Variants in MCCC1 observed in about 807,000 individuals in gnomAD.
MCCC1 encodes methylcrotonoyl-CoA carboxylase subunit alpha, mitochondrial.
Under a neutral mutation model 83.8 loss-of-function variants are expected in MCCC1, and 64 were observed. That is an observed-to-expected ratio of 0.76 (90% CI 0.62 to 0.94). The LOEUF is 0.94. Among genes scored for constraint, MCCC1 ranks in the 40% least tolerant of loss-of-function variants. The probability of loss-of-function intolerance (pLI) is 0.00; values close to 1 mark genes in which losing one functional copy is unlikely to be tolerated. For missense variants in MCCC1, 807 were observed against 904.7 expected, an observed-to-expected ratio of 0.89 and a Z score of 1.39; for synonymous variants, 322 against 315.4, an observed-to-expected ratio of 1.02 and a Z score of -0.22.
At chr3:183,049,913 G>A (rs1178306815) in intron 9 of MCCC1, among the ~76,000 whole-genome samples, 3 of 152,286 alleles carry the variant, frequency 2.0e-5, no homozygotes, top group East Asian at 1.9e-4. Context: ...GAGCTCAGGG[G>A]TTTGAGACCA....
intron 4 of MCCC1, among the ~76,000 whole-genome samples, chr3:183,073,653 T>C (rs1716857719): frequency 6.6e-6 from 1 of 152,248 alleles, no homozygotes; most frequent in Non-Finnish European, 1.5e-5. Context: ...TTTTGCAGTT[T>C]GAGGTGCAAC....
chr3:183,109,432 G>C (rs1330928395), intron 1 of MCCC1, among the ~76,000 whole-genome samples: 1 of 152,142 alleles, frequency 6.6e-6, no homozygotes, highest in African/African-American at 2.4e-5. Flanking sequence ...GTGGTACCCA[G>C]TGCCTATTGT....
In MCCC1 at chr3:183,015,497, T is replaced by C. The variant is rs1165909921; in HGVS notation, c.2119A>G (p.Arg707Gly). 6.2e-7 allele frequency: 1 copy of C among 1,614,024 alleles called. No individual in the cohort carries two copies. Among genetic ancestry groups the C allele is most frequent in the African/African-American group, 1.3e-5 (1 of 74,930 alleles). Residue 707 changes from arginine (R) to glycine (G), a missense_variant, in exon 19 of 19, where the codon AGA (arginine) becomes GGA (glycine). Transcript: ENST00000265594. ...VFYREGAQAN[R>G]HTPLVEFEEE... Reference sequence around the variant, plus strand: ...TCAAACTCGACTAAAGGAGTGTGTCTGTTGGCCTGAGCACCTTCTCTGTAG... The same window carrying C: ...TCAAACTCGACTAAAGGAGTGTGTCCGTTGGCCTGAGCACCTTCTCTGTAG...
chr3:183,030,045 C>T (rs1429545743), intron 14 of MCCC1, among the ~76,000 whole-genome samples: 1 of 152,170 alleles, frequency 6.6e-6, no homozygotes, highest in African/African-American at 2.4e-5. Context: ...AGGTGGCTCA[C>T]ACCTGTAATC....
intron 13 of MCCC1, among the ~76,000 whole-genome samples, chr3:183,036,756 G>A (rs1316745114): frequency 1.3e-5 from 2 of 152,004 alleles, no homozygotes; most frequent in African/African-American, 4.8e-5. Flanking sequence ...AGCCAGGATG[G>A]TCTTGATCTC....
intron 11 of MCCC1, among the ~76,000 whole-genome samples, chr3:183,040,426 C>G (rs181778159): frequency 6.6e-6 from 1 of 151,886 alleles, no homozygotes; most frequent in Non-Finnish European, 1.5e-5. Flanking sequence ...AAAAACTTGT[C>G]CTGGCCAGGC....
In MCCC1 at chr3:183,056,521, C is replaced by T. The variant is rs748903746; in HGVS notation, c.873+790G>A. On this transcript the variant is annotated intron_variant, in intron 8 of 18. Coordinates refer to ENST00000265594, the MANE Select transcript of MCCC1 (RefSeq NM_020166.5). Reference sequence around the variant, plus strand: ...TATAAACAAATGTTAAATGAGCAAACGCTGCCAAACGAGAGACTCTCTCTT... The same window carrying T: ...TATAAACAAATGTTAAATGAGCAAATGCTGCCAAACGAGAGACTCTCTCTT... Among the ~76,000 whole-genome samples, 79 of 152,080 alleles carry T rather than the reference C, an allele frequency of 5.2e-4. 1 individual carries two copies. The highest frequency in any genetic ancestry group is 2.7e-3 in the Admixed American group (41 of 15,270).
At chr3:183,104,554 C>T (rs984709593) in intron 1 of MCCC1, among the ~76,000 whole-genome samples, 1 of 152,030 alleles carries the variant, frequency 6.6e-6, no homozygotes, top group African/African-American at 2.4e-5. Flanking sequence ...AAACAGCAGA[C>T]GGAATAATTT....
intron 4 of MCCC1, among the ~76,000 whole-genome samples, chr3:183,086,394 C>G (rs1717893858): frequency 6.6e-6 from 1 of 152,190 alleles, no homozygotes; most frequent in African/African-American, 2.4e-5. Flanking sequence ...ACCTATTTCT[C>G]CCAAAGGATT....
At chr3:183,053,857 T>C (rs1374740413) in intron 8 of MCCC1, among the ~76,000 whole-genome samples, 2 of 148,176 alleles carry the variant, frequency 1.3e-5, no homozygotes, top group Non-Finnish European at 3.0e-5. Flanking sequence ...AAAAAGCTTA[T>C]AGAATTAAGG....
chr3:183,109,940 G>A (rs925496200), intron 1 of MCCC1, among the ~76,000 whole-genome samples: 2 of 152,020 alleles, frequency 1.3e-5, no homozygotes, highest in Non-Finnish European at 2.9e-5. Context: ...TTTAATAATG[G>A]CCATTCTGAT....
At chr3:183,083,891 C>T (rs1206639880) in intron 4 of MCCC1, among the ~76,000 whole-genome samples, 1 of 152,196 alleles carries the variant, frequency 6.6e-6, no homozygotes, top group East Asian at 1.9e-4. Flanking sequence ...CAAGAAAGTT[C>T]TACTGCTCAG....
At chr3:183,085,567 T>C (rs1412469442) in intron 4 of MCCC1, among the ~76,000 whole-genome samples, 1 of 144,238 alleles carries the variant, frequency 6.9e-6, no homozygotes, top group Non-Finnish European at 1.5e-5. Flanking sequence ...TGTTGGAAGC[T>C]GCAGCGAGCC....
intron 1 of MCCC1, among the ~76,000 whole-genome samples, chr3:183,097,478 G>T (rs1413139805): frequency 6.6e-6 from 1 of 152,146 alleles, no homozygotes; most frequent in South Asian, 2.1e-4. Flanking sequence ...CTACGGCCTG[G>T]AACCCCTGGA....
rs367625370 is a variant in MCCC1, at chr3:183,045,422, C to T, written c.1074G>A (p.Trp358Ter). 6 of 1,613,804 alleles carry T rather than the reference C, an allele frequency of 3.7e-6. No homozygotes were observed. Among genetic ancestry groups the T allele is most frequent in the Non-Finnish European group, 5.1e-6 (6 of 1,179,878 alleles). Residue 358 changes from tryptophan to a stop codon, truncating the protein, a stop_gained, in exon 10 of 19, where the codon TGG (tryptophan) becomes TGA (stop). Transcript: ENST00000265594. LOFTEE classifies it high-confidence loss of function. Reference sequence around the variant, plus strand: ...GAAAAAATATTCTCACTCTAAGCTGCCACTCCACCAAGTCAGTTCCTGTGA... The same window carrying T: ...GAAAAAATATTCTCACTCTAAGCTGTCACTCCACCAAGTCAGTTCCTGTGA... ...EMITGTDLVE[W>*]QLRIAAGEKI...
chr3:183,031,503 T>TTC (rs1380628360), intron 14 of MCCC1, among the ~76,000 whole-genome samples: 2 of 143,974 alleles, frequency 1.4e-5, no homozygotes, highest in Non-Finnish European at 3.0e-5. Flanking sequence ...TTTTTTTTTT[T>TTC]TTTTTTTTTT....
chr3:183,059,276 T>A (rs996060781), intron 7 of MCCC1, among the ~76,000 whole-genome samples: 1 of 152,208 alleles, frequency 6.6e-6, no homozygotes, highest in Non-Finnish European at 1.5e-5. Flanking sequence ...GCCACTGCAC[T>A]CCAGCCTGGG....
chr3:183,022,694 A>T (rs1481049713), intron 15 of MCCC1, 140 bp from the exon 16 acceptor site: 2 of 779,900 alleles, frequency 2.6e-6, no homozygotes, highest in Admixed American at 6.0e-5. Flanking sequence ...TTTTTTAAAA[A>T]GTCATGGAAC....
Position 183,057,369 on chromosome 3 carries a change from A to T in MCCC1, c.815T>A (p.Phe272Tyr). 6.2e-7 allele frequency: 1 copy of T among 1,611,258 alleles called. No homozygotes were observed. The highest frequency in any genetic ancestry group is 8.5e-7 in the Non-Finnish European group (1 of 1,178,522). Residue 272 changes from phenylalanine to tyrosine, a missense_variant, in exon 8 of 19, where the codon TTT (phenylalanine) becomes TAT (tyrosine). By Grantham distance (22) the Phe-to-Tyr change is conservative. Transcript: ENST00000265594. ...CCTCTGCACACTACAGTCTCTTTCA[A>T]ACAAGTACACAGCATTGCCATGGTG... The part of the protein sequence containing the change: ...GDHHGNAVYL[F>Y]ERDCSVQRRH...
Sources: gnomAD v4.1 joint callset for allele counts (sites outside exome capture counted in the v4.1 genomes callset) on GRCh38, gnomAD v4.1.1 for gene constraint, MANE v1.5 for transcripts, NCBI Gene and HGNC (gene_info 2026-07-23, HGNC 2026-07-21) for gene names.